FAM193B: variants seen among roughly 807,000 people sequenced by gnomAD.
FAM193B encodes family with sequence similarity 193 member B, also known as protein FAM193B.
In FAM193B, 27 loss-of-function variants were observed where a neutral mutation model predicts 70.7. The ratio of observed to expected loss-of-function variants is 0.38; its 90% confidence interval spans 0.28 to 0.53. FAM193B has a LOEUF of 0.53. FAM193B is among the 20% of genes least tolerant of loss of function. FAM193B has a pLI of 0.81. For synonymous variants in FAM193B, 448 were observed against 436.0 expected, an observed-to-expected ratio of 1.03 and a Z score of -0.34; for missense variants, 1,022 against 1,072.5, an observed-to-expected ratio of 0.95 and a Z score of 0.66.
intron 5 of FAM193B, 164 bp from the exon 6 acceptor site, chr5:177,525,369 A>T (rs533831113): frequency 4.4e-4 from 249 of 565,354 alleles, no homozygotes; most frequent in Non-Finnish European, 5.7e-4. Context: ...GGCAAACTGC[A>T]GCCAGACAGG....
At chr5:177,549,758 T>C (rs77920265) in intron 1 of FAM193B, among the ~76,000 whole-genome samples, 1 of 152,204 alleles carries the variant, frequency 6.6e-6, no homozygotes, top group South Asian at 2.1e-4. Context: ...ATAAATGCCA[T>C]GTGAAATAAA....
chr5:177,552,585 A>C (rs1464709091), intron 1 of FAM193B, among the ~76,000 whole-genome samples: 1 of 152,222 alleles, frequency 6.6e-6, no homozygotes, highest in African/African-American at 2.4e-5. Context: ...ACAGCTTTCC[A>C]GCTCTCCCTT....
In FAM193B at chr5:177,540,306, C is replaced by CA. The variant is rs71585639; in HGVS notation, c.211-1160dup. Among the ~76,000 whole-genome samples the CA allele has an allele frequency of 5.7e-3, 585 of 102,228 alleles. 5 individuals carry two copies. Among genetic ancestry groups the CA allele is most frequent in the Admixed American group, 9.9e-3 (96 of 9,654 alleles). 67.1% of individuals were successfully genotyped at this position (102,228 alleles called of 152,430 possible). On this transcript the variant is annotated intron_variant, in intron 1 of 8. Transcript: ENST00000514747. Reference sequence around the variant, plus strand: ...TGGGCGACAGAGCGAGACTCCGTCTCAAAAAAAAAAAAAAAAAAAGAAAAA... The same window carrying CA: ...TGGGCGACAGAGCGAGACTCCGTCTCAAAAAAAAAAAAAAAAAAAAGAAAAA...
At position 177,553,619 on chromosome 5, in the gene FAM193B, G is replaced by A. The variant is rs975117509; in HGVS notation, c.210+630C>T. 1.2e-5 allele frequency: 15 copies of A among 1,225,818 alleles called. 1 individual carries two copies. In the South Asian group the frequency reaches 2.1e-4, roughly 17 times the overall value. 75.9% of individuals were successfully genotyped at this position (1,225,818 alleles called of 1,614,324 possible). Reference sequence around the variant, plus strand: ...TCTCCAAACCTGGGATCTCAAGGTCGGGGTGGGCTGCCTTGCGGAGCAGGG... The same window carrying A: ...TCTCCAAACCTGGGATCTCAAGGTCAGGGTGGGCTGCCTTGCGGAGCAGGG... On this transcript the variant is annotated intron_variant, in intron 1 of 8. Transcript: ENST00000514747.
chr5:177,548,221 G>C (rs1247131694), intron 1 of FAM193B, among the ~76,000 whole-genome samples: 1 of 152,120 alleles, frequency 6.6e-6, no homozygotes, highest in Non-Finnish European at 1.5e-5. Context: ...CTCTAGAATA[G>C]AGCTTATCAT....
chr5:177,553,939 C>A (rs927905352), intron 1 of FAM193B: 1 of 1,233,542 alleles, frequency 8.1e-7, no homozygotes, highest in African/African-American at 1.6e-5. Context: ...AGCGGAGCTG[C>A]GGCCTCGGGA....
rs1305201021 is a variant in FAM193B, at chr5:177,532,554, AC to A, written c.1163del (p.Gly388ValfsTer50). ...GCTCAGAGCTGCTATCCTCTTCCTC[AC>A]CCAGCCCCTCATCTGCCTCGCAGGG... ...PQPCEADEGL[G>X]EEEDSSSERS... On this transcript the variant is annotated frameshift_variant, in exon 5 of 9. Coordinates refer to ENST00000514747, the MANE Select transcript of FAM193B (RefSeq NM_001190946.3). LOFTEE classifies it high-confidence loss of function. This position sits in a 1 kb window ranked among gnomAD's most constrained non-coding sequence, Gnocchi z 4.9. The A allele has an allele frequency of 6.2e-7, 1 of 1,604,976 alleles. No individual in the cohort carries two copies. The highest frequency in any genetic ancestry group is 8.5e-7 in the Non-Finnish European group (1 of 1,176,654).
At chr5:177,525,251 G>A (rs532365031) in intron 5 of FAM193B, 46 bp from the exon 6 acceptor site, 19 of 1,421,272 alleles carry the variant, frequency 1.3e-5, no homozygotes, top group Non-Finnish European at 1.8e-5. Context: ...TCAACTGCCA[G>A]GCACAATGTG....
At chr5:177,523,783 G>T (rs1219389541) in intron 7 of FAM193B, among the ~76,000 whole-genome samples, 174 bp downstream of exon 7, 1 of 152,262 alleles carries the variant, frequency 6.6e-6, no homozygotes, top group Non-Finnish European at 1.5e-5. Context: ...CAGTGGCTCC[G>T]TGGGTTTTCA....
intron 1 of FAM193B, among the ~76,000 whole-genome samples, chr5:177,549,187 C>CTTTTTTTTTT (rs141797022): frequency 1.1e-5 from 1 of 93,024 alleles, no homozygotes; most frequent in African/African-American, 3.8e-5. Flanking sequence ...ATTGTCTTTT[C>CTTTTTTTTTT]TTTTTTTTTT....
rs1764488451 is a variant in FAM193B at position 177,538,720 on chromosome 5, G to A, written c.453+185C>T. ...TGAGGGACTGACCGGTGGGCTGCCA[G>A]AAGTTTCTCTTCTTCCCCCAAATCT... is the stretch of plus-strand genomic sequence containing the variant. On this transcript the variant is annotated intron_variant, in intron 2 of 8. Transcript: ENST00000514747. This position sits in a 1 kb window ranked among gnomAD's most constrained non-coding sequence, Gnocchi z 4.1. 6.6e-6 allele frequency among the ~76,000 whole-genome samples: 1 copy of A among 152,134 alleles called. No individual in the cohort carries two copies. Among genetic ancestry groups the A allele is most frequent in the African/African-American group, 2.4e-5 (1 of 41,442 alleles).
chr5:177,550,372 C>T (rs1157056858), intron 1 of FAM193B, among the ~76,000 whole-genome samples: 1 of 152,188 alleles, frequency 6.6e-6, no homozygotes, highest in East Asian at 1.9e-4. Flanking sequence ...TCTTATCCAT[C>T]TGTGCACCCC....
chr5:177,538,922 G>C lies in FAM193B; in HGVS notation c.436C>G (p.Arg146Gly). The change falls in exon 2 of 9, where the codon CGA (arginine) becomes GGA (glycine). Residue 146 changes from arginine (R) to glycine (G), a missense_variant. Transcript: ENST00000514747. The surrounding 1 kb of genome is among the most constrained non-coding windows in gnomAD (Gnocchi z 4.1). ...SMEEDERQTG[R>G]EHAVAISLSH... ...TTACCTACCGCCACTGCATGTTCTC[G>C]ACCTGTCTGCCTTTCATCTTCCTCC... The C allele has an allele frequency of 6.2e-7, 1 of 1,614,002 alleles. No individual in the cohort carries two copies. Among genetic ancestry groups the C allele is most frequent in the Non-Finnish European group, 8.5e-7 (1 of 1,179,904 alleles).
intron 4 of FAM193B, among the ~76,000 whole-genome samples, chr5:177,535,561 G>A (rs1764069300): frequency 6.6e-6 from 1 of 152,184 alleles, no homozygotes. Flanking sequence ...AACAGATTTA[G>A]GTGCAGGGAT....
rs1764430123 is a variant in FAM193B, at chr5:177,538,322, G to T, written c.454-215C>A. On this transcript the variant is annotated intron_variant, in intron 2 of 8. Coordinates refer to ENST00000514747, the MANE Select transcript of FAM193B (RefSeq NM_001190946.3). This position sits in a 1 kb window ranked among gnomAD's most constrained non-coding sequence, Gnocchi z 4.1. ...GTCCCACTTACATGCAATGTGTGGA[G>T]ACTGGGGAGAGAGACTCTGGTAGGG... 6.6e-6 allele frequency among the ~76,000 whole-genome samples: 1 copy of T among 152,230 alleles called. No individual in the cohort carries two copies. The highest frequency in any genetic ancestry group is 2.4e-5 in the African/African-American group (1 of 41,458).
At position 177,539,133 on chromosome 5, in the gene FAM193B, G is replaced by A. The variant is rs1764543171; in HGVS notation, c.225C>T (p.Ser75=). Residue 75 remains serine, a synonymous_variant, in exon 2 of 9, where the codon TCC becomes TCT. Coordinates refer to ENST00000514747, the MANE Select transcript of FAM193B (RefSeq NM_001190946.3). ...GGCAGCAAGTCTGCACAGGCTGGCT[G>A]GAGGCGGGGGGGACCTGTCCAACAG... ...LVPGPQVPPA[S]SQPVQTCCLL... 3.8e-6 allele frequency: 6 copies of A among 1,574,354 alleles called. No individual in the cohort carries two copies. The highest frequency in any genetic ancestry group is 5.2e-6 in the Non-Finnish European group (6 of 1,159,670).
At chr5:177,540,193 G>C (rs1396797872) in intron 1 of FAM193B, among the ~76,000 whole-genome samples, 1 of 151,654 alleles carries the variant, frequency 6.6e-6, no homozygotes, top group Non-Finnish European at 1.5e-5. Flanking sequence ...TGTAGTCCCA[G>C]CTACTCGGGA....
chr5:177,549,187 CTTTTT>C (rs141797022), intron 1 of FAM193B, among the ~76,000 whole-genome samples: 1,670 of 93,006 alleles, frequency 0.018, 23 homozygotes, highest in African/African-American at 0.05. Context: ...ATTGTCTTTT[CTTTTT>C]TTTTTTTTTT....
intron 5 of FAM193B, among the ~76,000 whole-genome samples, chr5:177,529,868 G>C (rs1052219281): frequency 6.6e-6 from 1 of 152,194 alleles, no homozygotes; most frequent in Non-Finnish European, 1.5e-5. Flanking sequence ...GACTGCATGG[G>C]AGAAAGACAG....
Sources: allele counts gnomAD v4.1 joint callset (sites outside exome capture counted in the v4.1 genomes callset), GRCh38; gene constraint gnomAD v4.1.1; non-coding constraint Gnocchi (gnomAD v3.1); transcripts MANE v1.5; gene names NCBI Gene and HGNC (gene_info 2026-07-23, HGNC 2026-07-21).